Variants in RBFOX1 observed in about 807,000 individuals in gnomAD.
RBFOX1 encodes RNA binding protein fox-1 homolog 1.
Under a neutral mutation model 57.7 loss-of-function variants are expected in RBFOX1, and 8 were observed. The observed-to-expected ratio is 0.14, with a 90% confidence interval of 0.08 to 0.25. The LOEUF is 0.25. Among genes scored for constraint, RBFOX1 ranks in the 10% least tolerant of loss-of-function variants. The pLI, the probability that RBFOX1 is intolerant of heterozygous loss-of-function variation, is 1.00. For missense variants in RBFOX1, 611 were observed against 548.5 expected, an observed-to-expected ratio of 1.11 and a Z score of -1.14; for synonymous variants, 326 against 222.4, an observed-to-expected ratio of 1.47 and a Z score of -4.15.
At chr16:7,647,890 C>G (rs757045105) in intron 11 of RBFOX1, among the ~76,000 whole-genome samples, 6 of 152,168 alleles carry the variant, frequency 3.9e-5, no homozygotes, top group Non-Finnish European at 7.3e-5. Flanking sequence ...AATATAAGTG[C>G]CATACCTCAA....
chr16:6,539,590 G>A (rs139518658), intron 2 of RBFOX1, among the ~76,000 whole-genome samples: 63 of 152,156 alleles, frequency 4.1e-4, no homozygotes, highest in Middle Eastern at 3.4e-3. Context: ...CTAAGGTCGG[G>A]AGTTCAAGAC....
intron 4 of RBFOX1, among the ~76,000 whole-genome samples, chr16:7,371,214 G>T (rs957004606): frequency 6.6e-6 from 1 of 152,124 alleles, no homozygotes; most frequent in Non-Finnish European, 1.5e-5. Flanking sequence ...CATAACATTT[G>T]TGTGTTGTAT....
chr16:6,908,395 C>T (rs1033004700), intron 3 of RBFOX1, among the ~76,000 whole-genome samples: 2 of 152,146 alleles, frequency 1.3e-5, no homozygotes, highest in East Asian at 1.9e-4. Flanking sequence ...CCTGCCTTCT[C>T]TTTCCTCCCA....
In RBFOX1 at chr16:5,598,409, C is replaced by G. The variant is rs1010699358; in HGVS notation, c.259-493C>G. The stretch of plus-strand genomic sequence containing the variant: ...AGGAGTGTCAGCGGAGTCAAAGATG[C>G]AATTTAGCATTTGCTGGTAGCCACA... On this transcript the variant is annotated intron_variant, in intron 2 of 2. Transcript: ENST00000585867. Among the ~76,000 whole-genome samples, 6 of 152,042 alleles carry G rather than the reference C, an allele frequency of 3.9e-5. No individual in the cohort carries two copies. The South Asian group carries it at 8.3e-4, about 21-fold the overall frequency.
chr16:7,027,988 A>C (rs541971903), intron 3 of RBFOX1, among the ~76,000 whole-genome samples: 1 of 152,040 alleles, frequency 6.6e-6, no homozygotes, highest in African/African-American at 2.4e-5. Flanking sequence ...GAAGGACGAA[A>C]GGCAAGAAGG....
chr16:6,915,702 C>T (rs1334418981), intron 3 of RBFOX1, among the ~76,000 whole-genome samples: 3 of 151,922 alleles, frequency 2.0e-5, no homozygotes, highest in Non-Finnish European at 2.9e-5. Context: ...AGGTGCGCAC[C>T]ACCATGCCTG....
chr16:6,572,878 T>C (rs1224622651), intron 2 of RBFOX1, among the ~76,000 whole-genome samples: 1 of 152,056 alleles, frequency 6.6e-6, no homozygotes, highest in East Asian at 1.9e-4. Context: ...TCAGGAGTGA[T>C]CCCGCATGCC....
chr16:7,030,523 G>C (rs1351706079), intron 3 of RBFOX1, among the ~76,000 whole-genome samples: 1 of 152,082 alleles, frequency 6.6e-6, no homozygotes, highest in African/African-American at 2.4e-5. Context: ...TCCTTGGTTT[G>C]TGGCCACATC....
chr16:5,394,481 C>A (rs1246997010), intron 1 of RBFOX1, among the ~76,000 whole-genome samples: 1 of 151,922 alleles, frequency 6.6e-6, no homozygotes, highest in African/African-American at 2.4e-5. Context: ...TGGACTTGAC[C>A]CCTGAAACAT....
At chr16:5,327,477 G>A (rs1178516548) in intron 1 of RBFOX1, among the ~76,000 whole-genome samples, 1 of 152,224 alleles carries the variant, frequency 6.6e-6, no homozygotes, top group Admixed American at 6.5e-5. Context: ...TTAAAAGCGT[G>A]TTCACTCGTT....
intron 4 of RBFOX1, among the ~76,000 whole-genome samples, chr16:5,910,215 G>A (rs924687414): frequency 6.6e-6 from 1 of 152,136 alleles, no homozygotes; most frequent in Non-Finnish European, 1.5e-5. Flanking sequence ...AGAATGAGAA[G>A]GGAACTAAAG....
chr16:5,829,997 A>G (rs1159394572), intron 3 of RBFOX1, among the ~76,000 whole-genome samples: 1 of 152,176 alleles, frequency 6.6e-6, no homozygotes, highest in Non-Finnish European at 1.5e-5. Flanking sequence ...TCTTGCTTCC[A>G]GTCTCTTCGT....
At chr16:7,271,312 C>T (rs369640666) in intron 4 of RBFOX1, among the ~76,000 whole-genome samples, 13 of 151,366 alleles carry the variant, frequency 8.6e-5, no homozygotes, top group South Asian at 2.1e-4. Flanking sequence ...TGCAAAAAGA[C>T]GGGCCTGGGT....
intron 1 of RBFOX1, among the ~76,000 whole-genome samples, chr16:6,045,339 A>T (rs914759857): frequency 3.9e-5 from 6 of 152,176 alleles, no homozygotes; most frequent in African/African-American, 1.4e-4. Flanking sequence ...GTGTTTGGTG[A>T]TTTGAATCAT....
At chr16:6,484,765 G>A (rs766244673) in intron 2 of RBFOX1, among the ~76,000 whole-genome samples, 3 of 152,166 alleles carry the variant, frequency 2.0e-5, no homozygotes, top group African/African-American at 4.8e-5. Context: ...TTTGTTGGCA[G>A]TGTCACCTTA....
intron 3 of RBFOX1, among the ~76,000 whole-genome samples, chr16:5,839,357 C>T (rs1277660622): frequency 7.2e-5 from 11 of 152,032 alleles, no homozygotes; most frequent in Non-Finnish European, 1.5e-5. Flanking sequence ...CATTTGGGAC[C>T]CACTTTTTGC....
At chr16:6,095,740 G>A (rs1160398112) in intron 1 of RBFOX1, among the ~76,000 whole-genome samples, 1 of 152,170 alleles carries the variant, frequency 6.6e-6, no homozygotes, top group Non-Finnish European at 1.5e-5. Context: ...AGTTGAGACA[G>A]CAGAGAAAGT....
intron 3 of RBFOX1, among the ~76,000 whole-genome samples, chr16:6,679,179 T>G (rs528708123): frequency 1.3e-5 from 2 of 152,248 alleles, no homozygotes; most frequent in Non-Finnish European, 2.9e-5. Flanking sequence ...AGTCTGAGTC[T>G]CCATCTATTT....
intron 5 of RBFOX1, among the ~76,000 whole-genome samples, chr16:7,576,707 A>G (rs1009149070): frequency 6.6e-6 from 1 of 152,242 alleles, no homozygotes; most frequent in Non-Finnish European, 1.5e-5. Context: ...GCTATTAATC[A>G]TTTAATATGT....
Sources: allele counts gnomAD v4.1 joint callset (sites outside exome capture counted in the v4.1 genomes callset), GRCh38; gene constraint gnomAD v4.1.1; transcripts MANE v1.5; gene names NCBI Gene and HGNC (gene_info 2026-07-23, HGNC 2026-07-21).